The following TBL1XR1 variants were observed in gnomAD, a reference collection of about 807,000 sequenced individuals.
The protein encoded by TBL1XR1 is F-box-like/WD repeat-containing protein TBL1XR1.
In TBL1XR1, 5 loss-of-function variants were observed where a neutral mutation model predicts 66.9. The ratio of observed to expected loss-of-function variants is 0.07; its 90% CI spans 0.04 to 0.16. TBL1XR1 has a LOEUF of 0.16. Ranked by LOEUF, TBL1XR1 falls within the 10% of genes least tolerant of loss-of-function variation. TBL1XR1 has a pLI of 1.00. For synonymous variants in TBL1XR1, 210 were observed against 206.0 expected (o/e 1.02, Z -0.17); for missense variants, 238 against 623.2 (o/e 0.38, Z 6.58).
intron 1 of TBL1XR1, chr3:177,120,640 C>G (rs1045087497): frequency 1.3e-5 from 2 of 152,134 alleles, no homozygotes; most frequent in African/African-American, 2.4e-5. Context: ...ACTTCCTTTT[C>G]GCAGCTTTAA....
chr3:177,027,328 A>G (rs896891805), intron 14 of TBL1XR1: 5 of 152,246 alleles, frequency 3.3e-5, no homozygotes, highest in African/African-American at 9.6e-5. Context: ...GAAAGACGTT[A>G]TATGTTTAAA....
intron 1 of TBL1XR1, among the ~76,000 whole-genome samples, chr3:177,172,516 G>A (rs1267765861): frequency 6.6e-6 from 1 of 151,864 alleles, no homozygotes; most frequent in Non-Finnish European, 1.5e-5. Flanking sequence ...CCAGCATTTT[G>A]GGAGGCCAAG....
intron 1 of TBL1XR1, among the ~76,000 whole-genome samples, chr3:177,126,604 C>T (rs1727661405): frequency 6.6e-6 from 1 of 152,102 alleles, no homozygotes; most frequent in Non-Finnish European, 1.5e-5. Context: ...ACTTGTAACA[C>T]CCATAAAATA....
intron 1 of TBL1XR1, among the ~76,000 whole-genome samples, chr3:177,148,290 T>C (rs1240462903): frequency 3.3e-5 from 5 of 152,364 alleles, no homozygotes; most frequent in South Asian, 2.1e-4. Flanking sequence ...TGGACATCTA[T>C]CAAGTTTGAA....
intron 1 of TBL1XR1, among the ~76,000 whole-genome samples, chr3:177,104,970 G>A (rs1490140108): frequency 6.6e-6 from 1 of 152,158 alleles, no homozygotes; most frequent in Non-Finnish European, 1.5e-5. Context: ...AAAATTAAAG[G>A]TTGGTTTGAA....
intron 1 of TBL1XR1, among the ~76,000 whole-genome samples, chr3:177,118,045 C>T (rs983497567): frequency 1.3e-5 from 2 of 152,200 alleles, no homozygotes; most frequent in African/African-American, 2.4e-5. Context: ...AGGTAGTATA[C>T]GAATTGTGAC....
intron 1 of TBL1XR1, among the ~76,000 whole-genome samples, chr3:177,136,026 T>C (rs1157836648): frequency 6.6e-6 from 1 of 152,042 alleles, no homozygotes; most frequent in African/African-American, 2.4e-5. Context: ...TTTACTCCAA[T>C]AGATCAGTAT....
In TBL1XR1 at chr3:177,049,849, G is replaced by A. The variant is rs1159522233; in HGVS notation, c.702+148C>T. On this transcript the variant is annotated intron_variant, in intron 7 of 15. Transcript: ENST00000457928. ...AGTCTGTGTCCCACAGTGGGGGAGA[G>A]GGCTGGCAGGGGACGACTCCCGGTT... 4 of 788,408 alleles carry A rather than the reference G, an allele frequency of 5.1e-6. No individual in the cohort carries two copies. In the East Asian group the frequency reaches 1.1e-4, roughly 22 times the overall value. 48.8% of individuals were successfully genotyped at this position (788,408 alleles called of 1,614,324 possible).
At chr3:177,190,438 C>T (rs1432108533) in intron 1 of TBL1XR1, among the ~76,000 whole-genome samples, 1 of 152,154 alleles carries the variant, frequency 6.6e-6, no homozygotes, top group Non-Finnish European at 1.5e-5. Context: ...GCCTCAGCCT[C>T]CTGAGTAGCT....
At chr3:177,187,871 T>C (rs1338483754) in intron 1 of TBL1XR1, among the ~76,000 whole-genome samples, 1 of 151,214 alleles carries the variant, frequency 6.6e-6, no homozygotes, top group Non-Finnish European at 1.5e-5. Context: ...AATCCACCAT[T>C]TTAAGGTAAT....
chr3:177,193,912 C>G (rs137909995), intron 1 of TBL1XR1, among the ~76,000 whole-genome samples: 6 of 152,214 alleles, frequency 3.9e-5, no homozygotes, highest in African/African-American at 1.4e-4. Context: ...GTTTCATCAT[C>G]CACAAAAAAA....
intron 1 of TBL1XR1, among the ~76,000 whole-genome samples, chr3:177,189,664 A>AAAAAATAAAATTTC (rs57549428): frequency 4.2e-5 from 6 of 141,876 alleles, no homozygotes; most frequent in South Asian, 2.1e-4. Flanking sequence ...AAAAAAAAAA[A>AAAAAATAAAATTTC]AGAAGGATGT....
chr3:177,138,004 C>T (rs1008975643), intron 1 of TBL1XR1, among the ~76,000 whole-genome samples: 2 of 151,998 alleles, frequency 1.3e-5, no homozygotes, highest in East Asian at 1.9e-4. Context: ...TGTTGCAAAG[C>T]GAGTAGATGT....
intron 1 of TBL1XR1, among the ~76,000 whole-genome samples, chr3:177,150,041 A>G (rs755517099): frequency 2.0e-5 from 3 of 152,196 alleles, no homozygotes; most frequent in Non-Finnish European, 4.4e-5. Context: ...ATACTATACA[A>G]TTTATTCAAT....
intron 1 of TBL1XR1, among the ~76,000 whole-genome samples, chr3:177,150,214 G>A (rs562589038): frequency 3.9e-5 from 6 of 152,232 alleles, no homozygotes; most frequent in African/African-American, 1.4e-4. Flanking sequence ...TGAAAAGCCC[G>A]GTAGTAAGGA....
Position 177,046,870 on chromosome 3 carries a change from C to T in TBL1XR1, c.864+430G>A, listed in dbSNP as rs1403761863. On this transcript the variant is annotated intron_variant, in intron 9 of 15. Coordinates refer to ENST00000457928, the MANE Select transcript of TBL1XR1 (RefSeq NM_024665.7). ...GAAGAAGGTCCTATTTCCAACTCAT[C>T]TATATTCACCAGCCGACTTAGACAA... Among the ~76,000 whole-genome samples, 4 of 152,242 alleles carry T rather than the reference C, an allele frequency of 2.6e-5. No individual in the cohort carries two copies. In the South Asian group the frequency reaches 6.2e-4, roughly 24 times the overall value.
chr3:177,111,749 T>C (rs1271487749), intron 1 of TBL1XR1, among the ~76,000 whole-genome samples: 1 of 152,090 alleles, frequency 6.6e-6, no homozygotes, highest in East Asian at 1.9e-4. Flanking sequence ...ATGGTGGCTG[T>C]TAATATTGAC....
At position 177,050,554 on chromosome 3, in the gene TBL1XR1, C is replaced by T; in HGVS notation, c.484G>A (p.Ala162Thr). The T allele has an allele frequency of 1.9e-6, 3 of 1,613,812 alleles. No individual in the cohort carries two copies. The highest frequency in any genetic ancestry group is 2.5e-6 in the Non-Finnish European group (3 of 1,179,824). ...GATTCATGGCCCCGCAACACAACAG[C>T]TTTATTAGGAGGGATTTCAACATCC... is the stretch of plus-strand genomic sequence containing the variant. ...DGDVEIPPNK[A>T]VVLRGHESEV... Residue 162 changes from alanine to threonine, a missense_variant, in exon 6 of 16, where the codon GCT (alanine) becomes ACT (threonine). Around this residue, in one of 8 missense-constraint regions of TBL1XR1, gnomAD observed 26 missense variants for 103.7 expected, o/e 0.25. Coordinates refer to ENST00000457928, the MANE Select transcript of TBL1XR1 (RefSeq NM_024665.7).
chr3:177,065,947 C>T (rs1296442597), intron 2 of TBL1XR1, among the ~76,000 whole-genome samples: 1 of 151,066 alleles, frequency 6.6e-6, no homozygotes, highest in African/African-American at 2.4e-5. Context: ...ATTTTTTTTT[C>T]CTAAGCACTT....
Sources: allele counts gnomAD v4.1 joint callset (sites outside exome capture counted in the v4.1 genomes callset), GRCh38; gene constraint gnomAD v4.1.1; regional missense constraint gnomAD v4.1.1; transcripts MANE v1.5; gene names NCBI Gene and HGNC (gene_info 2026-07-23, HGNC 2026-07-21).